Variants in SLIT3 observed in about 807,000 individuals in gnomAD.
The protein encoded by SLIT3 is slit guidance ligand 3.
Under a neutral mutation model 184.0 loss-of-function variants are expected in SLIT3, and 68 were observed. That is an observed-to-expected ratio of 0.37 (90% CI 0.30 to 0.45). SLIT3 has a LOEUF of 0.45. Ranked by LOEUF, SLIT3 falls within the 20% of genes least tolerant of loss-of-function variation. The pLI, the probability that SLIT3 is intolerant of heterozygous loss-of-function variation, is 1.00. For missense variants in SLIT3, 1,707 were observed against 2,026.0 expected, an observed-to-expected ratio of 0.84 and a Z score of 3.02; for synonymous variants, 831 against 828.6, an observed-to-expected ratio of 1.00 and a Z score of -0.05.
At chr5:168,829,705 C>T (rs1285446208) in intron 6 of SLIT3, among the ~76,000 whole-genome samples, 2 of 152,246 alleles carry the variant, frequency 1.3e-5, no homozygotes, top group Non-Finnish European at 2.9e-5. Context: ...CCAGTGCCTA[C>T]AGTGAATTAA....
intron 5 of SLIT3, among the ~76,000 whole-genome samples, chr5:168,859,559 C>T (rs183857537): frequency 3.3e-5 from 5 of 152,218 alleles, no homozygotes; most frequent in African/African-American, 7.2e-5. Context: ...AAAGAGATTT[C>T]GATTTCACGT....
rs189350127 is a variant in SLIT3, at chr5:169,131,655, G to T, written c.413+61824C>A. On this transcript the variant is annotated intron_variant, in intron 4 of 35. Coordinates refer to ENST00000519560, the MANE Select transcript of SLIT3 (RefSeq NM_003062.4). ...TTAACTTTTAACACCTACTTTTTCA[G>T]CTTGGAAAAGGAAGGCCAGAGATCA... Among the ~76,000 whole-genome samples the T allele has an allele frequency of 2.6e-5, 4 of 152,240 alleles. No homozygotes were observed. In the East Asian group the frequency reaches 7.7e-4, roughly 29 times the overall value.
chr5:169,092,988 T>C (rs557051838), intron 4 of SLIT3, among the ~76,000 whole-genome samples: 2 of 152,352 alleles, frequency 1.3e-5, no homozygotes, highest in South Asian at 2.1e-4. Context: ...CTGTGTTTTA[T>C]CCAGGGCGGA....
chr5:168,904,689 A>G (rs114980991), intron 4 of SLIT3, among the ~76,000 whole-genome samples: 8,457 of 152,208 alleles, frequency 0.056, 264 homozygotes, highest in Middle Eastern at 0.078. Context: ...GAGATCATAC[A>G]TTTCTGATAG....
chr5:169,149,174 A>C (rs980801314), intron 4 of SLIT3, among the ~76,000 whole-genome samples: 6 of 152,228 alleles, frequency 3.9e-5, no homozygotes, highest in African/African-American at 1.4e-4. Context: ...TTCTAATCAC[A>C]CACTAATTGC....
intron 30 of SLIT3, among the ~76,000 whole-genome samples, chr5:168,686,661 A>G (rs764760804): frequency 1.5e-4 from 23 of 152,234 alleles, no homozygotes; most frequent in Non-Finnish European, 2.9e-4. Flanking sequence ...CTGGGCTTCA[A>G]GATGGTGGCA....
chr5:168,929,345 CTG>C (rs1423287875), intron 4 of SLIT3, among the ~76,000 whole-genome samples: 8 of 152,358 alleles, frequency 5.3e-5, no homozygotes, highest in Admixed American at 4.6e-4. Context: ...GAGCAAAATA[CTG>C]TGTTAAACTT....
intron 9 of SLIT3, among the ~76,000 whole-genome samples, chr5:168,805,010 G>T (rs957347337): frequency 1.3e-5 from 2 of 152,150 alleles, no homozygotes; most frequent in Admixed American, 6.5e-5. Flanking sequence ...ATAGCCATTT[G>T]GTTCTCTCGC....
intron 1 of SLIT3, among the ~76,000 whole-genome samples, chr5:169,291,414 G>A (rs1161847976): frequency 6.6e-6 from 1 of 152,162 alleles, no homozygotes; most frequent in Non-Finnish European, 1.5e-5. Context: ...CTAAGATTTG[G>A]ATTCTGTTCT....
At chr5:168,831,906 T>C (rs1757894910) in intron 6 of SLIT3, among the ~76,000 whole-genome samples, 1 of 152,168 alleles carries the variant, frequency 6.6e-6, no homozygotes, top group Non-Finnish European at 1.5e-5. Flanking sequence ...AGAAAAACAA[T>C]ACCTCCGAAA....
chr5:168,741,339 C>T (rs1461183197), intron 20 of SLIT3, among the ~76,000 whole-genome samples: 17 of 151,844 alleles, frequency 1.1e-4, no homozygotes, highest in African/African-American at 3.6e-4. Flanking sequence ...GGCATGGTGG[C>T]GGGCACCTGT....
intron 3 of SLIT3, among the ~76,000 whole-genome samples, chr5:169,195,918 A>G (rs1277593635): frequency 6.6e-6 from 1 of 152,224 alleles, no homozygotes; most frequent in African/African-American, 2.4e-5. Flanking sequence ...AGCAATAAAA[A>G]AACTGTACAC....
chr5:168,887,560 C>T (rs1005508613), intron 4 of SLIT3, among the ~76,000 whole-genome samples: 6 of 152,104 alleles, frequency 3.9e-5, no homozygotes, highest in African/African-American at 1.4e-4. Flanking sequence ...CGTAGAGCAC[C>T]GTGTGGAATC....
chr5:169,165,778 A>G (rs1433583483), intron 4 of SLIT3, among the ~76,000 whole-genome samples: 1 of 152,182 alleles, frequency 6.6e-6, no homozygotes, highest in Non-Finnish European at 1.5e-5. Context: ...ACTGTCCAAC[A>G]TACCAGTTGC....
intron 3 of SLIT3, among the ~76,000 whole-genome samples, chr5:169,238,203 C>T (rs1765266136): frequency 6.6e-6 from 1 of 152,064 alleles, no homozygotes; most frequent in South Asian, 2.1e-4. Context: ...TTTTGAAGTA[C>T]TTCTATTGTT....
chr5:168,845,744 T>TA (rs1209192374), intron 5 of SLIT3, among the ~76,000 whole-genome samples: 2 of 151,904 alleles, frequency 1.3e-5, no homozygotes, highest in African/African-American at 4.8e-5. Flanking sequence ...TAAAAAACCA[T>TA]AAAAAACAAC....
At chr5:168,743,654 G>A (rs1180490391) in intron 20 of SLIT3, among the ~76,000 whole-genome samples, 2 of 152,212 alleles carry the variant, frequency 1.3e-5, no homozygotes, top group Admixed American at 1.3e-4. Context: ...TCAAAAGATA[G>A]AAATGATGAA....
intron 14 of SLIT3, among the ~76,000 whole-genome samples, chr5:168,765,980 C>T (rs968411988): frequency 3.9e-5 from 6 of 152,202 alleles, no homozygotes; most frequent in Admixed American, 2.6e-4. Context: ...TTATACATCC[C>T]TGTCCTACAG....
At chr5:169,274,796 G>A (rs534268500) in intron 1 of SLIT3, among the ~76,000 whole-genome samples, 14 of 152,322 alleles carry the variant, frequency 9.2e-5, no homozygotes, top group African/African-American at 3.4e-4. Context: ...CCTGGGCTCT[G>A]GAGTCAGACC....
Sources: gnomAD v4.1 joint callset for allele counts (sites outside exome capture counted in the v4.1 genomes callset) on GRCh38, gnomAD v4.1.1 for gene constraint, MANE v1.5 for transcripts, NCBI Gene and HGNC (gene_info 2026-07-23, HGNC 2026-07-21) for gene names.